Variants in ATP6V1C1 observed in about 807,000 individuals in gnomAD.
ATP6V1C1 encodes the protein V-type proton ATPase subunit C 1.
A neutral mutation model predicts 53.9 loss-of-function variants in ATP6V1C1; 45 were observed. The observed-to-expected ratio is 0.83, with a 90% CI of 0.66 to 1.07. ATP6V1C1 has a LOEUF of 1.07. Among genes scored for constraint, ATP6V1C1 ranks in the 50% least tolerant of loss-of-function variants. The pLI is 0.00. For missense variants in ATP6V1C1, 315 were observed against 440.3 expected, an observed-to-expected ratio of 0.72 and a Z score of 2.55; for synonymous variants, 153 against 155.2, an observed-to-expected ratio of 0.99 and a Z score of 0.11.
intron 8 of ATP6V1C1, among the ~76,000 whole-genome samples, chr8:103,059,061 T>G (rs932856128): frequency 1.2e-4 from 19 of 152,236 alleles, no homozygotes; most frequent in Non-Finnish European, 2.5e-4. Context: ...TTGCCTTTTC[T>G]CTGTCATTGG....
intron 3 of ATP6V1C1, among the ~76,000 whole-genome samples, chr8:103,048,495 T>C (rs1434481483): frequency 6.6e-6 from 1 of 152,240 alleles, no homozygotes; most frequent in Non-Finnish European, 1.5e-5. Context: ...CATAGGAACA[T>C]AGTGAATGCT....
intron 4 of ATP6V1C1, among the ~76,000 whole-genome samples, chr8:103,049,591 A>G (rs1817165150): frequency 6.6e-6 from 1 of 152,168 alleles, no homozygotes; most frequent in Non-Finnish European, 1.5e-5. Context: ...ATGTCATTTT[A>G]GCATTTTGCT....
intron 8 of ATP6V1C1, among the ~76,000 whole-genome samples, chr8:103,061,204 A>G (rs1300530115): frequency 6.6e-6 from 1 of 152,212 alleles, no homozygotes. Flanking sequence ...ACAGTTTAAC[A>G]GGAGGTTCTA....
At chr8:103,037,373 G>T (rs1336296479) in intron 1 of ATP6V1C1, among the ~76,000 whole-genome samples, 1 of 151,780 alleles carries the variant, frequency 6.6e-6, no homozygotes, top group East Asian at 1.9e-4. Flanking sequence ...AGAGAGACAG[G>T]GTCTCGCTAT....
intron 1 of ATP6V1C1, among the ~76,000 whole-genome samples, chr8:103,033,785 A>G (rs553112735): frequency 6.6e-6 from 1 of 152,312 alleles, no homozygotes; most frequent in South Asian, 2.1e-4. Flanking sequence ...GGGTTTCTCT[A>G]ACTACTAAGT....
chr8:103,066,466 AG>A lies in ATP6V1C1; in HGVS notation c.1053+20del, dbSNP rs1817492572. 6.5e-7 allele frequency: 1 copy of A among 1,533,766 alleles called. No individual in the cohort carries two copies. On this transcript the variant is annotated intron_variant, in intron 12 of 12. Coordinates refer to ENST00000518738, the MANE Select transcript of ATP6V1C1 (RefSeq NM_001695.5). ...TATTGATGTAAGTACTTATTAGCCC[AG>A]TAGAGTAAGAATTGAAGTGAATTTC...
Position 103,023,098 on chromosome 8 carries a change from T to A in ATP6V1C1, c.-40+1873T>A, listed in dbSNP as rs185134745. Among the ~76,000 whole-genome samples, 4 of 152,236 alleles carry A rather than the reference T, an allele frequency of 2.6e-5. No homozygotes were observed. In the East Asian group the frequency reaches 7.7e-4, roughly 29 times the overall value. ...TTTCAGGCTGAAGCAACAGCGTATG[T>A]CAAGGCCCTGAAATGTGAAGAGGAA... On this transcript the variant is annotated intron_variant, in intron 1 of 12. Coordinates refer to ENST00000518738, the MANE Select transcript of ATP6V1C1 (RefSeq NM_001695.5).
intron 1 of ATP6V1C1, among the ~76,000 whole-genome samples, chr8:103,026,587 C>T (rs766110494): frequency 5.5e-4 from 84 of 152,108 alleles, no homozygotes; most frequent in Admixed American, 5.2e-3. Flanking sequence ...AAAGGGCGGG[C>T]GGATCACTTG....
rs748136857 is a variant in ATP6V1C1 at position 103,040,795 on chromosome 8, C to T, written c.-39-3C>T. On this transcript the variant is annotated splice_region_variant and splice_polypyrimidine_tract_variant and intron_variant, in intron 1 of 12. Transcript: ENST00000518738. ...GATTTTTTTTATTTGTTTTACATTT[C>T]AGAATCTCTCTTGATTTTTGAGGAA... is the stretch of plus-strand genomic sequence containing the variant. 6.3e-7 allele frequency: 1 copy of T among 1,584,548 alleles called. No homozygotes were observed. The highest frequency in any genetic ancestry group is 8.6e-7 in the Non-Finnish European group (1 of 1,166,976).
intron 1 of ATP6V1C1, among the ~76,000 whole-genome samples, chr8:103,030,431 T>C (rs1374639681): frequency 1.3e-5 from 2 of 152,184 alleles, no homozygotes; most frequent in African/African-American, 4.8e-5. Flanking sequence ...CAGATGAGAC[T>C]TCAGTTTTTG....
intron 10 of ATP6V1C1, 43 bp downstream of exon 10, chr8:103,063,271 G>C (rs1331037151): frequency 1.6e-6 from 2 of 1,270,076 alleles, no homozygotes; most frequent in African/African-American, 3.1e-5. Context: ...CTAAGCAGAA[G>C]AAAAAGTGGT....
At position 103,031,029 on chromosome 8, in the gene ATP6V1C1, C is replaced by G. The variant is rs1816788431; in HGVS notation, c.-39-9769C>G. Among the ~76,000 whole-genome samples the G allele has an allele frequency of 2.0e-5, 3 of 152,176 alleles. No homozygotes were observed. In the South Asian group the frequency reaches 6.2e-4, roughly 32 times the overall value. Reference sequence around the variant, plus strand: ...CTTGGGTGGATCAAGCTGATCCTCCCCTAACTTACCTGCCCACCACAACAA... The same window carrying G: ...CTTGGGTGGATCAAGCTGATCCTCCGCTAACTTACCTGCCCACCACAACAA... On this transcript the variant is annotated intron_variant, in intron 1 of 12. Coordinates refer to ENST00000518738, the MANE Select transcript of ATP6V1C1 (RefSeq NM_001695.5).
chr8:103,049,074 C>A, intron 4 of ATP6V1C1, 119 bp downstream of exon 4: 1 of 832,212 alleles, frequency 1.2e-6, no homozygotes, highest in Non-Finnish European at 1.8e-6. Context: ...AATAGAAAGC[C>A]ATTAAAATAC....
At chr8:103,041,799 G>A (rs1192897586) in intron 2 of ATP6V1C1, among the ~76,000 whole-genome samples, 1 of 152,160 alleles carries the variant, frequency 6.6e-6, no homozygotes, top group African/African-American at 2.4e-5. Flanking sequence ...TTGAATCTAG[G>A]AGGTGGAGGT....
At chr8:103,044,454 C>G (rs1817059710) in intron 3 of ATP6V1C1, among the ~76,000 whole-genome samples, 1 of 152,102 alleles carries the variant, frequency 6.6e-6, no homozygotes, top group African/African-American at 2.4e-5. Flanking sequence ...ATGTGAATAT[C>G]TGGTTGTCCC....
At chr8:103,054,816 G>C (rs181916928) in intron 7 of ATP6V1C1, among the ~76,000 whole-genome samples, 3 of 152,114 alleles carry the variant, frequency 2.0e-5, no homozygotes, top group African/African-American at 7.2e-5. Context: ...TGGGAGATTT[G>C]GGTCTTTTTC....
chr8:103,053,195 A>G (rs1244420806), intron 6 of ATP6V1C1, among the ~76,000 whole-genome samples: 1 of 151,972 alleles, frequency 6.6e-6, no homozygotes, highest in East Asian at 1.9e-4. Flanking sequence ...TTATGATGTA[A>G]TAGTTATTCT....
intron 10 of ATP6V1C1, 101 bp from the exon 11 acceptor site, chr8:103,064,613 C>T: frequency 1.2e-6 from 1 of 839,338 alleles, no homozygotes; most frequent in Non-Finnish European, 1.8e-6. Flanking sequence ...CGACTTAATT[C>T]TTCTATAGAT....
intron 8 of ATP6V1C1, 151 bp downstream of exon 8, chr8:103,056,087 C>T: frequency 1.5e-6 from 1 of 682,402 alleles, no homozygotes; most frequent in Non-Finnish European, 2.4e-6. Flanking sequence ...AATTTTAGAC[C>T]TAGAAGGGAC....
Sources: allele counts gnomAD v4.1 joint callset (sites outside exome capture counted in the v4.1 genomes callset), GRCh38; gene constraint gnomAD v4.1.1; transcripts MANE v1.5; gene names NCBI Gene and HGNC (gene_info 2026-07-23, HGNC 2026-07-21).